The following UTP20 variants were observed in gnomAD, a reference collection of about 807,000 sequenced individuals.
The protein encoded by UTP20 is UTP20 small subunit processome component.
In UTP20, 164 loss-of-function variants were observed where a neutral mutation model predicts 329.5. The ratio of observed to expected loss-of-function variants is 0.50; its 90% CI spans 0.44 to 0.57. The LOEUF is 0.57. Ranked by LOEUF, UTP20 falls within the 20% of genes least tolerant of loss-of-function variation. UTP20 has a pLI of 0.00. For synonymous variants in UTP20, 1,151 were observed against 1,159.3 expected, an observed-to-expected ratio of 0.99 and a Z score of 0.14; for missense variants, 3,055 against 3,284.2, an observed-to-expected ratio of 0.93 and a Z score of 1.71.
rs200805354 is a variant in UTP20 at position 101,299,817 on chromosome 12, C to T, written c.1566C>T (p.Leu522=). ...TTYLSQSWAA[L]VVLPHIRPLE... is the part of the protein sequence containing the mutation. ...ACCTTTCACAATCTTGGGCAGCCCT[C>T]GTGGTGTTACCTCATATTAGGTAAG... Residue 522 remains leucine, a synonymous_variant, in exon 13 of 62, where the codon CTC becomes CTT. Coordinates refer to ENST00000261637, the MANE Select transcript of UTP20 (RefSeq NM_014503.3). 2.1e-5 allele frequency: 34 copies of T among 1,608,346 alleles called. No individual in the cohort carries two copies. The Admixed American group carries it at 3.4e-4, about 16-fold the overall frequency.
Position 101,320,909 on chromosome 12 carries a change from T to C in UTP20, c.2887T>C (p.Tyr963His). The C allele has an allele frequency of 6.2e-7, 1 of 1,611,420 alleles. No individual in the cohort carries two copies. The highest frequency in any genetic ancestry group is 8.5e-7 in the Non-Finnish European group (1 of 1,179,524). The stretch of plus-strand genomic sequence containing the variant: ...AATAACCTTGGATTGCATAATGACA[T>C]ATAAACATCCTCATGTCCTCCCTTA... ...QKITLDCIMTYKHPHVLPYRE... is the reference protein window; with the variant it reads ...QKITLDCIMTHKHPHVLPYRE... The change falls in exon 24 of 62, where the codon TAT becomes CAT. Residue 963 changes from tyrosine to histidine, a missense_variant. Tyr to His is a moderately conservative substitution (Grantham distance 83). Around this residue, in one of 3 missense-constraint regions of UTP20, gnomAD observed 2,445 missense variants for 2,575.5 expected, o/e 0.95. Coordinates refer to ENST00000261637, the MANE Select transcript of UTP20 (RefSeq NM_014503.3).
intron 15 of UTP20, among the ~76,000 whole-genome samples, chr12:101,305,702 G>A (rs115245692): frequency 2.2e-3 from 339 of 151,390 alleles, no homozygotes; most frequent in African/African-American, 7.5e-3. Context: ...TCCCACCTCT[G>A]CCTGCAACCA....
At position 101,342,823 on chromosome 12, in the gene UTP20, A is replaced by G. The variant is rs1486384928; in HGVS notation, c.4282A>G (p.Thr1428Ala). Residue 1428 changes from threonine (T) to alanine (A), a missense_variant, in exon 34 of 62, where the codon ACT becomes GCT. By Grantham distance (58) the Thr-to-Ala change is moderately conservative. Coordinates refer to ENST00000261637, the MANE Select transcript of UTP20 (RefSeq NM_014503.3). ...SDFESGLKYI[T>A]DVVKLNAFDQ... ...TTTTGAGAGTGGGTTAAAATATATTACTGATGTTGTCAAGGTAAGAAAGAA... is the reference window on the plus strand; with the variant it reads ...TTTTGAGAGTGGGTTAAAATATATTGCTGATGTTGTCAAGGTAAGAAAGAA... 10 of 1,613,458 alleles carry G rather than the reference A, an allele frequency of 6.2e-6. No individual in the cohort carries two copies. The highest frequency in any genetic ancestry group is 8.5e-6 in the Non-Finnish European group (10 of 1,179,652).
chr12:101,369,668 A>G (rs1484262428), intron 48 of UTP20, 53 bp from the exon 49 acceptor site: 3 of 874,630 alleles, frequency 3.4e-6, no homozygotes, highest in Non-Finnish European at 1.9e-6. Flanking sequence ...GGTGCTGCAT[A>G]GTTGGATTCG....
chr12:101,385,782 G>A, intron 61 of UTP20, 54 bp downstream of exon 61: 1 of 1,574,202 alleles, frequency 6.4e-7, no homozygotes, highest in South Asian at 1.2e-5. Context: ...TAACTACTAA[G>A]TGTGCATGTT....
rs1387236946 is a variant in UTP20, at chr12:101,385,655, C to T, written c.8129C>T (p.Ser2710Leu). The part of the protein sequence containing the change: ...LKKLVGLESF[S>L]LAFASVQKQA... ...AAGCTGGTTGGGCTTGAGAGCTTCTCATTAGCCTTTGCCTCTGTACAGAAA... is the reference window on the plus strand; with the variant it reads ...AAGCTGGTTGGGCTTGAGAGCTTCTTATTAGCCTTTGCCTCTGTACAGAAA... The change falls in exon 61 of 62, where the codon TCA becomes TTA. Residue 2710 changes from serine (S) to leucine (L), a missense_variant. Physicochemically the swap from Ser to Leu is moderately radical, Grantham distance 145. Coordinates refer to ENST00000261637, the MANE Select transcript of UTP20 (RefSeq NM_014503.3). The T allele has an allele frequency of 6.2e-7, 1 of 1,613,990 alleles. No individual in the cohort carries two copies. The highest frequency in any genetic ancestry group is 1.7e-5 in the Admixed American group (1 of 59,954).
chr12:101,294,289 C>T (rs1232175170), intron 11 of UTP20, among the ~76,000 whole-genome samples: 1 of 151,998 alleles, frequency 6.6e-6, no homozygotes, highest in African/African-American at 2.4e-5. Context: ...CCTGCCTCGG[C>T]CAGCTATTTT....
intron 25 of UTP20, among the ~76,000 whole-genome samples, chr12:101,322,221 C>T (rs1350532167): frequency 6.6e-6 from 1 of 152,114 alleles, no homozygotes; most frequent in African/African-American, 2.4e-5. Context: ...AACTCCTGAC[C>T]TCAGGCGATC....
Position 101,375,774 on chromosome 12 carries a change from T to A in UTP20, c.7396+18T>A. 1 of 1,470,018 alleles carries A rather than the reference T, an allele frequency of 6.8e-7. No individual in the cohort carries two copies. Among genetic ancestry groups the A allele is most frequent in the East Asian group, 2.3e-5 (1 of 43,954 alleles). 91.1% of individuals were successfully genotyped at this position (1,470,018 alleles called of 1,614,324 possible). Reference sequence around the variant, plus strand: ...AATCTGGAGTAAGTATTTCCTTTTTTATTTAAATCAAACACATTTGTTGTC... The same window carrying A: ...AATCTGGAGTAAGTATTTCCTTTTTAATTTAAATCAAACACATTTGTTGTC... On this transcript the variant is annotated intron_variant, in intron 56 of 61. Coordinates refer to ENST00000261637, the MANE Select transcript of UTP20 (RefSeq NM_014503.3).
chr12:101,375,863 C>A, intron 56 of UTP20, 107 bp downstream of exon 56: 1 of 685,352 alleles, frequency 1.5e-6, no homozygotes. Flanking sequence ...TATACAATGT[C>A]AGGAAAAGAG....
intron 52 of UTP20, among the ~76,000 whole-genome samples, 182 bp from the exon 53 acceptor site, chr12:101,373,215 CACTT>C (rs1458429449): frequency 6.6e-6 from 1 of 152,162 alleles, no homozygotes; most frequent in Non-Finnish European, 1.5e-5. Flanking sequence ...AAATCTGACA[CACTT>C]ACATTTAAAA....
At position 101,370,468 on chromosome 12, in the gene UTP20, C is replaced by G. The variant is rs753860891; in HGVS notation, c.6592C>G (p.Gln2198Glu). The G allele has an allele frequency of 2.5e-6, 4 of 1,613,726 alleles. No individual in the cohort carries two copies. In the African/African-American group the frequency reaches 5.3e-5, roughly 22 times the overall value. ...ACTTGTCAAGAAAGTCAAGTCTTAC[C>G]AGATAACTGAAAAACAGCTCCAAGT... ...TILVKKVKSY[Q>E]ITEKQLQVLL... The change falls in exon 50 of 62, where the codon CAG (glutamine) becomes GAG (glutamate). Residue 2198 changes from glutamine (Q) to glutamate (E), a missense_variant. Coordinates refer to ENST00000261637, the MANE Select transcript of UTP20 (RefSeq NM_014503.3).
intron 10 of UTP20, 39 bp downstream of exon 10, chr12:101,292,143 A>G (rs1428784001): frequency 6.3e-7 from 1 of 1,599,556 alleles, no homozygotes; most frequent in Middle Eastern, 1.7e-4. Context: ...GCAGTTAATA[A>G]TATGTTTAGC....
Position 101,336,358 on chromosome 12 carries a change from A to G in UTP20, c.3642-1693A>G, listed in dbSNP as rs182969793. On this transcript the variant is annotated intron_variant, in intron 29 of 61. Transcript: ENST00000261637. ...TAGTATCAATCAGAAATTAAAACAG[A>G]TTTTTCATCTATAGAGAAGTCTAGC... 9.8e-5 allele frequency among the ~76,000 whole-genome samples: 15 copies of G among 152,298 alleles called. No individual in the cohort carries two copies. The East Asian group carries it at 1.3e-3, about 14-fold the overall frequency.
intron 56 of UTP20, 118 bp from the exon 57 acceptor site, chr12:101,379,253 G>A: frequency 1.1e-6 from 1 of 874,876 alleles, no homozygotes; most frequent in Non-Finnish European, 1.7e-6. Flanking sequence ...GGCTTATTTT[G>A]TTCATCTTTG....
Position 101,383,055 on chromosome 12 carries a change from G to A in UTP20, c.7671G>A (p.Leu2557=). Residue 2557 remains leucine (L), a synonymous_variant, in exon 59 of 62, where the codon TTG becomes TTA. Transcript: ENST00000261637. ...TTTTTTTAAAGGTTGTTAAGAATTT[G>A]TTGTTCGCAGCCAAAGTCTTGTATT... ...QSLGEQVVKN[L]LFAAKVLYLL... 2.5e-6 allele frequency: 4 copies of A among 1,571,408 alleles called. No homozygotes were observed. The highest frequency in any genetic ancestry group is 3.4e-6 in the Non-Finnish European group (4 of 1,161,460).
At chr12:101,284,904 G>A (rs1440845477) in intron 2 of UTP20, among the ~76,000 whole-genome samples, 1 of 152,046 alleles carries the variant, frequency 6.6e-6, no homozygotes, top group Non-Finnish European at 1.5e-5. Flanking sequence ...ATTGAATCCT[G>A]CCATACCCTC....
In UTP20 at chr12:101,308,323, C is replaced by G; in HGVS notation, c.2134C>G (p.Pro712Ala). 1 of 1,552,116 alleles carries G rather than the reference C, an allele frequency of 6.4e-7. No homozygotes were observed. The highest frequency in any genetic ancestry group is 8.7e-7 in the Non-Finnish European group (1 of 1,149,176). Residue 712 changes from proline to alanine, a missense_variant, in exon 18 of 62, where the codon CCT becomes GCT. By Grantham distance (27) the Pro-to-Ala change is conservative. Transcript: ENST00000261637. ...ACATGATGTGGTACAGACTGCTGTCCCTGATGGGCCGTTACAGGAGGTAAA... is the reference window on the plus strand; with the variant it reads ...ACATGATGTGGTACAGACTGCTGTCGCTGATGGGCCGTTACAGGAGGTAAA... ...LRHDVVQTAV[P>A]DGPLQEVPLR... is the part of the protein sequence containing the mutation.
chr12:101,365,071 ATTGT>A lies in UTP20; in HGVS notation c.5959-387_5959-384del, dbSNP rs746697480. 4.0e-4 allele frequency among the ~76,000 whole-genome samples: 29 copies of A among 71,670 alleles called. 1 individual carries two copies. In the South Asian group the frequency reaches 9.1e-3, roughly 23 times the overall value. The allele number at this position is 71,670 out of a possible 152,430, so 47.0% of individuals were successfully genotyped here. On this transcript the variant is annotated intron_variant, in intron 45 of 61. Coordinates refer to ENST00000261637, the MANE Select transcript of UTP20 (RefSeq NM_014503.3). ...TATGAGGAGTGAATACATTTTGTTG[ATTGT>A]GTGTGTGTGTGTGTGTGTGTGTGTG...
Sources: allele counts gnomAD v4.1 joint callset (sites outside exome capture counted in the v4.1 genomes callset), GRCh38; gene constraint gnomAD v4.1.1; regional missense constraint gnomAD v4.1.1; transcripts MANE v1.5; gene names NCBI Gene and HGNC (gene_info 2026-07-23, HGNC 2026-07-21).